COX7B2: variants seen among roughly 807,000 people sequenced by gnomAD.
The protein encoded by COX7B2 is cytochrome c oxidase subunit 7B2.
For synonymous variants in COX7B2, 37 were observed against 32.1 expected, an observed-to-expected ratio of 1.15 and a Z score of -0.51; for missense variants, 109 against 95.9, an observed-to-expected ratio of 1.14 and a Z score of -0.57.
At position 46,829,429 on chromosome 4, in the gene COX7B2, AC is replaced by A. The variant is rs1298076073; in HGVS notation, c.-50+15530del. ...TGCTGATAAGAAAATTGTTGATACA[AC>A]TCTTGAAAATAAGTTTATTTTAACA... On this transcript the variant is annotated intron_variant, in intron 2 of 2. Transcript: ENST00000355591. 8.2e-4 allele frequency among the ~76,000 whole-genome samples: 124 copies of A among 152,124 alleles called. 1 individual carries two copies. Among genetic ancestry groups the A allele is most frequent in the Non-Finnish European group, 6.0e-4 (41 of 67,982 alleles).
intron 1 of COX7B2, among the ~76,000 whole-genome samples, chr4:46,892,777 G>A (rs924745882): frequency 6.6e-5 from 10 of 152,228 alleles, no homozygotes; most frequent in African/African-American, 2.2e-4. Context: ...TTCATGGACC[G>A]ATACGGTTTC....
intron 2 of COX7B2, among the ~76,000 whole-genome samples, chr4:46,761,260 A>G (rs1424230759): frequency 6.6e-6 from 1 of 152,144 alleles, no homozygotes; most frequent in Non-Finnish European, 1.5e-5. Context: ...TGTACAACCT[A>G]CTTGTCAGCA....
chr4:46,806,802 T>C (rs1719021671), intron 2 of COX7B2, among the ~76,000 whole-genome samples: 1 of 152,076 alleles, frequency 6.6e-6, no homozygotes, highest in African/African-American at 2.4e-5. Flanking sequence ...CTTAATTCAC[T>C]TGGCATAATG....
chr4:46,860,615 C>G (rs1158417344), intron 1 of COX7B2, among the ~76,000 whole-genome samples: 1 of 152,114 alleles, frequency 6.6e-6, no homozygotes, highest in Non-Finnish European at 1.5e-5. Context: ...TCAAAATCCC[C>G]CATAGTTTGG....
At chr4:46,781,964 C>G (rs1717484055) in intron 2 of COX7B2, among the ~76,000 whole-genome samples, 1 of 152,172 alleles carries the variant, frequency 6.6e-6, no homozygotes, top group South Asian at 2.1e-4. Context: ...GGCTCCTGTG[C>G]AGCCCGAGCC....
intron 1 of COX7B2, among the ~76,000 whole-genome samples, chr4:46,906,616 C>A (rs1247886029): frequency 6.6e-6 from 1 of 151,976 alleles, no homozygotes; most frequent in Non-Finnish European, 1.5e-5. Flanking sequence ...TATTTTTTTT[C>A]TAAGCATTAG....
intron 2 of COX7B2, among the ~76,000 whole-genome samples, chr4:46,744,261 A>C (rs1288809025): frequency 6.6e-6 from 1 of 152,046 alleles, no homozygotes; most frequent in Non-Finnish European, 1.5e-5. Context: ...ACAATGGGAC[A>C]CCAGTCCCCT....
intron 2 of COX7B2, among the ~76,000 whole-genome samples, chr4:46,809,717 T>C (rs1719190199): frequency 6.6e-6 from 1 of 152,044 alleles, no homozygotes; most frequent in South Asian, 2.1e-4. Flanking sequence ...AAAATGTCTA[T>C]TTTTCTGCTG....
intron 1 of COX7B2, among the ~76,000 whole-genome samples, chr4:46,880,623 G>A (rs1718656592): frequency 6.6e-6 from 1 of 151,202 alleles, no homozygotes; most frequent in African/African-American, 2.4e-5. Flanking sequence ...TATTTAAGTG[G>A]GGTCAGTGGT....
chr4:46,750,800 C>T (rs1002552787), intron 2 of COX7B2, among the ~76,000 whole-genome samples: 10 of 152,154 alleles, frequency 6.6e-5, no homozygotes, highest in East Asian at 1.9e-4. Context: ...GCCAGCTTCT[C>T]GTCATGTCCT....
intron 2 of COX7B2, among the ~76,000 whole-genome samples, chr4:46,781,366 C>T (rs1433475643): frequency 1.3e-5 from 2 of 152,224 alleles, no homozygotes; most frequent in Non-Finnish European, 2.9e-5. Context: ...AACACAAACA[C>T]ACACATTCAG....
intron 1 of COX7B2, among the ~76,000 whole-genome samples, chr4:46,875,015 C>G (rs975099519): frequency 6.6e-6 from 1 of 152,138 alleles, no homozygotes; most frequent in Non-Finnish European, 1.5e-5. Flanking sequence ...CACACCTCCC[C>G]CTTTGTTTCC....
At chr4:46,785,774 G>A (rs931160862) in intron 2 of COX7B2, among the ~76,000 whole-genome samples, 1 of 152,032 alleles carries the variant, frequency 6.6e-6, no homozygotes, top group African/African-American at 2.4e-5. Flanking sequence ...GAATAGAGAA[G>A]GGGAGCAACC....
intron 2 of COX7B2, among the ~76,000 whole-genome samples, chr4:46,805,798 T>G (rs912039343): frequency 6.6e-6 from 1 of 152,190 alleles, no homozygotes; most frequent in East Asian, 1.9e-4. Flanking sequence ...AGATGTTGCT[T>G]TAAATATATA....
At chr4:46,766,435 C>T (rs188007012) in intron 2 of COX7B2, among the ~76,000 whole-genome samples, 2 of 152,244 alleles carry the variant, frequency 1.3e-5, no homozygotes, top group African/African-American at 4.8e-5. Flanking sequence ...CATGGTGGCT[C>T]ATGCCTGTAG....
intron 2 of COX7B2, among the ~76,000 whole-genome samples, chr4:46,776,076 C>A (rs906478268): frequency 2.6e-5 from 4 of 151,970 alleles, no homozygotes; most frequent in African/African-American, 9.7e-5. Context: ...GTAAATAAGA[C>A]ATACTTCCTG....
intron 2 of COX7B2, among the ~76,000 whole-genome samples, chr4:46,817,650 C>A (rs1464817569): frequency 6.6e-6 from 1 of 152,154 alleles, no homozygotes; most frequent in Non-Finnish European, 1.5e-5. Flanking sequence ...AAATACTCTT[C>A]CCTCTTAAGG....
intron 2 of COX7B2, among the ~76,000 whole-genome samples, chr4:46,762,375 A>ATATATAATATATATT (rs1716228660): frequency 7.4e-6 from 1 of 134,562 alleles, no homozygotes; most frequent in East Asian, 2.5e-4. Context: ...TATATACACA[A>ATATATAATATATATT]TACAATATAT....
Position 46,812,718 on chromosome 4 carries a change from T to C in COX7B2, c.-50+32242A>G, listed in dbSNP as rs187378480. Among the ~76,000 whole-genome samples the C allele has an allele frequency of 2.0e-5, 3 of 152,238 alleles. No individual in the cohort carries two copies. In the East Asian group the frequency reaches 5.8e-4, roughly 29 times the overall value. ...GGAGGACACTGTGGGCTTTTCGACCTGAAGGTGCATAACCACAGCTCAGCC... is the reference window on the plus strand; with the variant it reads ...GGAGGACACTGTGGGCTTTTCGACCCGAAGGTGCATAACCACAGCTCAGCC... On this transcript the variant is annotated intron_variant, in intron 2 of 2. Coordinates refer to ENST00000355591, the MANE Select transcript of COX7B2 (RefSeq NM_130902.3).
Sources: gnomAD v4.1 joint callset for allele counts (sites outside exome capture counted in the v4.1 genomes callset) on GRCh38, gnomAD v4.1.1 for gene constraint, MANE v1.5 for transcripts, NCBI Gene and HGNC (gene_info 2026-07-23, HGNC 2026-07-21) for gene names.